Variants in KCTD1 observed in about 807,000 individuals in gnomAD.
KCTD1 encodes the protein BTB/POZ domain-containing protein KCTD1.
Under a neutral mutation model 66.0 loss-of-function variants are expected in KCTD1, and 24 were observed. That is an observed-to-expected ratio of 0.36 (90% CI 0.26 to 0.51). The LOEUF is 0.51. Among genes scored for constraint, KCTD1 ranks in the 20% least tolerant of loss-of-function variants. The probability of loss-of-function intolerance (pLI) is 0.95; values close to 1 mark genes in which losing one functional copy is unlikely to be tolerated. For missense variants in KCTD1, 943 were observed against 1,205.2 expected, an observed-to-expected ratio of 0.78 and a Z score of 3.22; for synonymous variants, 511 against 517.2, an observed-to-expected ratio of 0.99 and a Z score of 0.16.
At chr18:26,515,729 C>G (rs988182031) in intron 1 of KCTD1, among the ~76,000 whole-genome samples, 4 of 151,982 alleles carry the variant, frequency 2.6e-5, no homozygotes, top group Non-Finnish European at 5.9e-5. Context: ...AGGCTGGTCT[C>G]GAACTCCTGG....
At chr18:26,555,253 C>T (rs1395501948) in intron 1 of KCTD1, among the ~76,000 whole-genome samples, 5 of 152,190 alleles carry the variant, frequency 3.3e-5, no homozygotes, top group African/African-American at 1.2e-4. Context: ...AACTTAAACA[C>T]TTTCTACCCA....
chr18:26,578,794 C>T (rs2144915931), intron 1 of KCTD1, among the ~76,000 whole-genome samples: 1 of 152,342 alleles, frequency 6.6e-6, no homozygotes, highest in East Asian at 1.9e-4. Flanking sequence ...ATTTCAATTA[C>T]AGTGGATGCC....
chr18:26,643,482 C>T (rs1422815624), upstream of KCTD1, among the ~76,000 whole-genome samples: 1 of 152,154 alleles, frequency 6.6e-6, no homozygotes, highest in Non-Finnish European at 1.5e-5. Context: ...GAAAGAAAGA[C>T]AGGATTAGTA....
At chr18:26,624,379 G>A (rs1987453646) in intron 1 of KCTD1, among the ~76,000 whole-genome samples, 1 of 152,182 alleles carries the variant, frequency 6.6e-6, no homozygotes, top group African/African-American at 2.4e-5. Context: ...AGGGAAAAAT[G>A]GTTTGGTGGG....
At chr18:26,589,392 T>C (rs925488586) in intron 1 of KCTD1, among the ~76,000 whole-genome samples, 2 of 152,186 alleles carry the variant, frequency 1.3e-5, no homozygotes, top group African/African-American at 2.4e-5. Context: ...GAAACCTCTA[T>C]GGGATTTTAT....
At chr18:26,635,219 G>T (rs138135194) in intron 1 of KCTD1, among the ~76,000 whole-genome samples, 4 of 152,100 alleles carry the variant, frequency 2.6e-5, no homozygotes, top group African/African-American at 9.6e-5. Context: ...TGTCTCTACC[G>T]TTTGGCCACC....
intron 1 of KCTD1, among the ~76,000 whole-genome samples, chr18:26,519,392 G>A (rs549306380): frequency 1.3e-5 from 2 of 152,210 alleles, no homozygotes; most frequent in South Asian, 4.1e-4. Flanking sequence ...AGTCAGTCCA[G>A]TATCTTATGG....
intron 3 of KCTD1, among the ~76,000 whole-genome samples, chr18:26,474,061 A>T (rs538094142): frequency 6.6e-6 from 1 of 152,322 alleles, no homozygotes; most frequent in East Asian, 1.9e-4. Context: ...ATCTTTTTCT[A>T]TGCATTTATA....
intron 2 of KCTD1, among the ~76,000 whole-genome samples, chr18:26,496,931 T>A (rs16942368): frequency 1.5e-3 from 229 of 152,316 alleles, no homozygotes; most frequent in African/African-American, 5.4e-3. Context: ...AGTCAGATGG[T>A]GAAAATCAAG....
At chr18:26,620,613 T>C (rs1407763420) in intron 1 of KCTD1, among the ~76,000 whole-genome samples, 3 of 151,506 alleles carry the variant, frequency 2.0e-5, no homozygotes, top group Non-Finnish European at 4.4e-5. Context: ...TTTTTGTATT[T>C]TTTGTAGAGA....
chr18:26,476,367 T>C lies in KCTD1; in HGVS notation c.2133+148A>G. The C allele has an allele frequency of 3.0e-6, 2 of 674,332 alleles. No homozygotes were observed. Among genetic ancestry groups the C allele is most frequent in the South Asian group, 4.3e-5 (2 of 46,456 alleles). The allele number at this position is 674,332 out of a possible 1,614,324, so 41.8% of individuals were successfully genotyped here. ...GTAGAAGTTTAATGGCCATAACCAC[T>C]ATTTCATGAATAGTGAACCATGTCA... On this transcript the variant is annotated intron_variant, in intron 3 of 4. Coordinates refer to ENST00000580059, the MANE Select transcript of KCTD1 (RefSeq NM_001142730.3). The surrounding 1 kb of genome is among the most constrained non-coding windows in gnomAD (Gnocchi z 4.9).
intron 1 of KCTD1, among the ~76,000 whole-genome samples, chr18:26,588,653 G>A (rs1166296074): frequency 6.6e-6 from 1 of 152,148 alleles, no homozygotes; most frequent in African/African-American, 2.4e-5. Context: ...GCATTTCTTG[G>A]AGGCTGGGCT....
At position 26,538,578 on chromosome 18, in the gene KCTD1, G is replaced by A. The variant is rs1984821327; in HGVS notation, c.1809+8150C>T. Among the ~76,000 whole-genome samples, 2 of 152,164 alleles carry A rather than the reference G, an allele frequency of 1.3e-5. 1 individual carries two copies. Among genetic ancestry groups the A allele is most frequent in the South Asian group, 4.1e-4 (2 of 4,832 alleles). On this transcript the variant is annotated intron_variant, in intron 1 of 4. Coordinates refer to ENST00000580059, the MANE Select transcript of KCTD1 (RefSeq NM_001142730.3). Reference sequence around the variant, plus strand: ...GCACCTGGACAAGCTACTTCCAAGAGCCAAACTGAAGGCTGGGGCTAGGAC... The same window carrying A: ...GCACCTGGACAAGCTACTTCCAAGAACCAAACTGAAGGCTGGGGCTAGGAC...
intron 1 of KCTD1, among the ~76,000 whole-genome samples, chr18:26,616,886 C>G (rs1290891392): frequency 2.6e-5 from 4 of 152,186 alleles, no homozygotes; most frequent in Non-Finnish European, 4.4e-5. Flanking sequence ...GGACAGAGAC[C>G]TTGCCTTTTG....
chr18:26,510,674 T>C (rs545811452), intron 1 of KCTD1, among the ~76,000 whole-genome samples: 2 of 152,360 alleles, frequency 1.3e-5, no homozygotes, highest in South Asian at 4.1e-4. Context: ...TTGCTTTTAG[T>C]TCAAAAGGAA....
intron 1 of KCTD1, among the ~76,000 whole-genome samples, chr18:26,639,325 G>A (rs1227207654): frequency 2.0e-5 from 3 of 152,150 alleles, no homozygotes; most frequent in Admixed American, 6.5e-5. Context: ...GGGAGGAGTC[G>A]CCAGTCTATC....
At chr18:26,512,345 C>A (rs1983378766) in intron 1 of KCTD1, among the ~76,000 whole-genome samples, 2 of 151,932 alleles carry the variant, frequency 1.3e-5, no homozygotes, top group African/African-American at 4.8e-5. Flanking sequence ...TCAGGCAATC[C>A]GCCTGCCTCT....
At chr18:26,630,651 T>C (rs1298419067), upstream of KCTD1, among the ~76,000 whole-genome samples, 1 of 152,178 alleles carries the variant, frequency 6.6e-6, no homozygotes, top group Non-Finnish European at 1.5e-5. Context: ...TGCTTAGTGT[T>C]CTGTGTTGCT....
chr18:26,539,990 T>C (rs1340716715), intron 1 of KCTD1, among the ~76,000 whole-genome samples: 2 of 152,062 alleles, frequency 1.3e-5, no homozygotes, highest in Admixed American at 6.6e-5. Flanking sequence ...TTAAAAAATA[T>C]AGATAGTGTA....
Sources: allele counts gnomAD v4.1 joint callset (sites outside exome capture counted in the v4.1 genomes callset), GRCh38; gene constraint gnomAD v4.1.1; non-coding constraint Gnocchi (gnomAD v3.1); transcripts MANE v1.5; gene names NCBI Gene and HGNC (gene_info 2026-07-23, HGNC 2026-07-21).